The following CAST variants were observed in gnomAD, a reference collection of about 807,000 sequenced individuals.
CAST encodes the protein calpastatin.
Under a neutral mutation model 119.6 loss-of-function variants are expected in CAST, and 76 were observed. That is an observed-to-expected ratio of 0.64 (90% CI 0.53 to 0.77). The LOEUF (loss-of-function observed/expected upper bound fraction) is 0.77, where lower values mean the gene tolerates loss of function less well. Ranked by LOEUF, CAST falls within the 30% of genes least tolerant of loss-of-function variation. The pLI is 0.00. For missense variants in CAST, 953 were observed against 946.5 expected (o/e 1.01, Z -0.09); for synonymous variants, 319 against 331.6 (o/e 0.96, Z 0.41).
the CAST span, among the ~76,000 whole-genome samples, chr5:96,367,563 C>T: frequency 2.0e-5 from 3 of 152,108 alleles, no homozygotes; most frequent in East Asian, 1.9e-4. Context: ...CCTTGCAGTT[C>T]GATCTCAGAC....
chr5:96,673,580 T>G (rs1460979870), intron 1 of CAST, among the ~76,000 whole-genome samples: 1 of 152,248 alleles, frequency 6.6e-6, no homozygotes, highest in Non-Finnish European at 1.5e-5. Context: ...TTAAGTCATT[T>G]ACAAGAAATG....
chr5:96,536,128 C>G (rs139316288), intron 1 of CAST, among the ~76,000 whole-genome samples: 2 of 138,554 alleles, frequency 1.4e-5, no homozygotes, highest in Non-Finnish European at 3.0e-5. Context: ...GAGGCCTAGG[C>G]GGGTGAATCA....
the CAST span, among the ~76,000 whole-genome samples, chr5:96,103,447 G>A: frequency 1.3e-5 from 2 of 150,122 alleles, no homozygotes; most frequent in African/African-American, 4.9e-5. Context: ...AGAATATGTG[G>A]TGTTTGGTTT....
At chr5:96,718,646 A>G (rs1357083957) in intron 3 of CAST, among the ~76,000 whole-genome samples, 3 of 152,182 alleles carry the variant, frequency 2.0e-5, no homozygotes. Context: ...TCCTAAAGCC[A>G]CAGCAGCCAA....
At chr5:96,147,692 A>G in the CAST span, among the ~76,000 whole-genome samples, 3 of 152,200 alleles carry the variant, frequency 2.0e-5, no homozygotes, top group Admixed American at 6.5e-5. Context: ...ACATCATTCT[A>G]GCTGTTCTAT....
chr5:96,479,504 C>T, the CAST span, among the ~76,000 whole-genome samples: 15 of 141,662 alleles, frequency 1.1e-4, no homozygotes, highest in Non-Finnish European at 7.5e-5. Flanking sequence ...GTCTGGAGTG[C>T]GGTGGCTCAA....
At chr5:96,445,503 G>A in the CAST span, among the ~76,000 whole-genome samples, 11 of 152,164 alleles carry the variant, frequency 7.2e-5, no homozygotes, top group African/African-American at 2.4e-4. Flanking sequence ...AGACCTCCAT[G>A]GGCAGTCATC....
At chr5:96,358,406 A>G in the CAST span, among the ~76,000 whole-genome samples, 1 of 151,642 alleles carries the variant, frequency 6.6e-6, no homozygotes, top group East Asian at 1.9e-4. Context: ...TCCTTTAGTT[A>G]TTTTAATTGT....
chr5:96,115,010 C>A, the CAST span, among the ~76,000 whole-genome samples: 6 of 152,130 alleles, frequency 3.9e-5, no homozygotes, highest in Non-Finnish European at 7.3e-5. Flanking sequence ...ATGGGGTTAT[C>A]GCAACAATTA....
the CAST span, among the ~76,000 whole-genome samples, chr5:96,447,731 T>C: frequency 6.6e-6 from 1 of 152,110 alleles, no homozygotes; most frequent in African/African-American, 2.4e-5. Context: ...TGTTACCCCT[T>C]GGATGCCTAC....
chr5:96,268,306 C>G, the CAST span, among the ~76,000 whole-genome samples: 1 of 152,186 alleles, frequency 6.6e-6, no homozygotes, highest in African/African-American at 2.4e-5. Flanking sequence ...ACTGCAGTGG[C>G]TCATTCCTAT....
chr5:96,523,169 C>T (rs1745544214), upstream of CAST, among the ~76,000 whole-genome samples: 1 of 152,198 alleles, frequency 6.6e-6, no homozygotes, highest in Non-Finnish European at 1.5e-5. Flanking sequence ...AAGCTTTCCT[C>T]ACCTGTGAGA....
chr5:96,395,121 C>T, the CAST span: 1 of 1,004,864 alleles, frequency 1.0e-6, no homozygotes, highest in Admixed American at 1.8e-5. Context: ...GTTAAAATCT[C>T]ATTTTAAGAT....
chr5:96,546,778 AC>A (rs1397810895), intron 1 of CAST, among the ~76,000 whole-genome samples: 5 of 152,182 alleles, frequency 3.3e-5, no homozygotes, highest in African/African-American at 4.8e-5. Flanking sequence ...CGAGTATTGT[AC>A]CTTTTTTTCC....
At chr5:96,416,355 A>T in the CAST span, among the ~76,000 whole-genome samples, 2 of 152,202 alleles carry the variant, frequency 1.3e-5, no homozygotes, top group Non-Finnish European at 2.9e-5. Context: ...TAAGGGTGTG[A>T]CCTTGGGTAA....
the CAST span, among the ~76,000 whole-genome samples, chr5:96,004,977 A>C: frequency 6.6e-6 from 1 of 152,234 alleles, no homozygotes; most frequent in African/African-American, 2.4e-5. Flanking sequence ...GGCAGAGGAC[A>C]TTGCAACAGA....
the CAST span, among the ~76,000 whole-genome samples, chr5:95,982,469 A>G: frequency 1.3e-5 from 2 of 152,136 alleles, no homozygotes; most frequent in South Asian, 2.1e-4. Flanking sequence ...ATGTATACAA[A>G]CCTAAGGGTT....
chr5:96,484,390 T>C, the CAST span, among the ~76,000 whole-genome samples: 1 of 152,176 alleles, frequency 6.6e-6, no homozygotes, highest in African/African-American at 2.4e-5. Context: ...ACACTATACT[T>C]TGCCCTTCTA....
the CAST span, among the ~76,000 whole-genome samples, chr5:96,127,827 A>T: frequency 6.6e-6 from 1 of 152,106 alleles, no homozygotes; most frequent in African/African-American, 2.4e-5. Context: ...CTTAAAGTCG[A>T]TTTGTGATAA....
Sources: gnomAD v4.1 joint callset for allele counts (sites outside exome capture counted in the v4.1 genomes callset) on GRCh38, gnomAD v4.1.1 for gene constraint, MANE v1.5 for transcripts, NCBI Gene and HGNC (gene_info 2026-07-23, HGNC 2026-07-21) for gene names.